SPOP: variants seen among roughly 807,000 people sequenced by gnomAD.
SPOP encodes speckle-type POZ protein.
In SPOP, 11 loss-of-function variants were observed where a neutral mutation model predicts 45.6. The ratio of observed to expected loss-of-function variants is 0.24; its 90% confidence interval spans 0.15 to 0.40. The LOEUF is 0.40. Ranked by LOEUF, SPOP falls within the 10% of genes least tolerant of loss-of-function variation. The pLI is 1.00. For synonymous variants in SPOP, 166 were observed against 166.3 expected, an observed-to-expected ratio of 1.00 and a Z score of 0.01; for missense variants, 152 against 465.6, an observed-to-expected ratio of 0.33 and a Z score of 6.20.
intron 1 of SPOP, among the ~76,000 whole-genome samples, chr17:49,665,897 T>C (rs1183202407): frequency 6.6e-6 from 1 of 151,124 alleles, no homozygotes; most frequent in East Asian, 1.9e-4. Context: ...GGCAGGAGAA[T>C]TGCCTGAACC....
intron 1 of SPOP, among the ~76,000 whole-genome samples, chr17:49,647,266 C>T (rs1446014485): frequency 2.8e-5 from 4 of 141,108 alleles, no homozygotes; most frequent in South Asian, 2.3e-4. Context: ...GCCGAGATCA[C>T]GCCACTGCAC....
At chr17:49,639,988 G>A (rs564113562) in intron 1 of SPOP, among the ~76,000 whole-genome samples, 3 of 152,188 alleles carry the variant, frequency 2.0e-5, no homozygotes, top group South Asian at 2.1e-4. Flanking sequence ...GGTGGCTCAC[G>A]CCTGTAATTC....
intron 8 of SPOP, among the ~76,000 whole-genome samples, chr17:49,603,836 A>G (rs961922941): frequency 6.6e-6 from 1 of 152,236 alleles, no homozygotes; most frequent in African/African-American, 2.4e-5. Context: ...CAACAGCTTT[A>G]TCTTTTAAAA....
intron 1 of SPOP, among the ~76,000 whole-genome samples, chr17:49,628,190 T>G (rs2072376564): frequency 6.6e-6 from 1 of 152,254 alleles, no homozygotes; most frequent in South Asian, 2.1e-4. Context: ...TATTGAGAAA[T>G]TTATTTTCCA....
chr17:49,649,824 A>G (rs1159580231), intron 1 of SPOP, among the ~76,000 whole-genome samples: 2 of 151,986 alleles, frequency 1.3e-5, no homozygotes, highest in Non-Finnish European at 2.9e-5. Flanking sequence ...GAGAGACTCC[A>G]TCTCAAAAAA....
At chr17:49,607,448 A>T in intron 7 of SPOP, 76 bp from the exon 8 acceptor site, 1 of 1,541,052 alleles carries the variant, frequency 6.5e-7, no homozygotes, top group Non-Finnish European at 8.7e-7. Context: ...TCATGATTTT[A>T]AGCTCTAGTG....
intron 8 of SPOP, among the ~76,000 whole-genome samples, chr17:49,606,382 C>T (rs61302861): frequency 0.023 from 3,497 of 151,906 alleles, 137 homozygotes; most frequent in African/African-American, 0.079. Flanking sequence ...CCTTGAACTC[C>T]TGGGCTCAAG....
At chr17:49,669,920 A>G (rs2073116260) in intron 1 of SPOP, among the ~76,000 whole-genome samples, 1 of 150,224 alleles carries the variant, frequency 6.7e-6, no homozygotes, top group East Asian at 2.1e-4. Context: ...GATCACACAT[A>G]CATTTTTCCT....
At chr17:49,652,655 T>C (rs2072857947) in intron 1 of SPOP, among the ~76,000 whole-genome samples, 1 of 152,180 alleles carries the variant, frequency 6.6e-6, no homozygotes, top group African/African-American at 2.4e-5. Flanking sequence ...ACCAAAACTA[T>C]ACCCTGACCC....
intron 2 of SPOP, 177 bp from the exon 3 acceptor site, chr17:49,622,244 G>A (rs1442906977): frequency 5.2e-6 from 4 of 768,378 alleles, no homozygotes; most frequent in Non-Finnish European, 8.8e-6. Flanking sequence ...ATCTCACACT[G>A]ACCAATAGCT....
Position 49,620,328 on chromosome 17 carries a change from C to A in SPOP, c.201-943G>T, listed in dbSNP as rs148341624. Among the ~76,000 whole-genome samples the A allele has an allele frequency of 9.4e-3, 1,432 of 151,820 alleles. 9 individuals carry two copies. The highest frequency in any genetic ancestry group is 0.016 in the Non-Finnish European group (1,060 of 67,922). ...TCCTGTCTCTACTAAAAATACCAGG[C>A]GTGCTAGTGGGCACCTGTAATCCCT... On this transcript the variant is annotated intron_variant, in intron 3 of 9. Transcript: ENST00000504102.
At chr17:49,640,121 C>T (rs557687057) in intron 1 of SPOP, among the ~76,000 whole-genome samples, 248 of 152,022 alleles carry the variant, frequency 1.6e-3, no homozygotes, top group Middle Eastern at 3.4e-3. Context: ...GATGTGGTGG[C>T]GCACACCTGT....
At chr17:49,624,248 C>T (rs935305851) in intron 1 of SPOP, among the ~76,000 whole-genome samples, 2 of 151,604 alleles carry the variant, frequency 1.3e-5, no homozygotes, top group Admixed American at 6.6e-5. Flanking sequence ...TTAATAATAT[C>T]GTATTGTATA....
intron 5 of SPOP, among the ~76,000 whole-genome samples, chr17:49,612,211 G>A (rs1345462641): frequency 2.0e-5 from 3 of 152,122 alleles, no homozygotes; most frequent in Non-Finnish European, 2.9e-5. Flanking sequence ...CCTAAAAGAC[G>A]TTATTTTAGT....
intron 1 of SPOP, among the ~76,000 whole-genome samples, chr17:49,644,682 T>C (rs1041431139): frequency 6.6e-6 from 1 of 152,086 alleles, no homozygotes; most frequent in African/African-American, 2.4e-5. Flanking sequence ...GTACAGATTT[T>C]GGAAAAAAAG....
At position 49,599,063 on chromosome 17, in the gene SPOP, GA is replaced by G. The variant is rs1459980916; in HGVS notation, c.*1314del. 4.8e-6 allele frequency: 1 copy of G among 206,646 alleles called. No homozygotes were observed. The highest frequency in any genetic ancestry group is 2.3e-5 in the African/African-American group (1 of 43,760). The allele number at this position is 206,646 out of a possible 1,614,324, so 12.8% of individuals were successfully genotyped here. A position where few individuals can be genotyped will look rare whatever the true frequency, so the allele number is the denominator to read the frequency against. ...GGGCCTGATCCCTCATCAGGATATG[GA>G]CTGTGAGATACTCAGGGAGGACAAG... On this transcript the variant is annotated 3_prime_UTR_variant, in exon 10 of 10. Transcript: ENST00000504102.
At chr17:49,635,160 T>C (rs1343663544) in intron 1 of SPOP, among the ~76,000 whole-genome samples, 1 of 152,230 alleles carries the variant, frequency 6.6e-6, no homozygotes, top group African/African-American at 2.4e-5. Flanking sequence ...CTTCTAACAT[T>C]ATTAAAAATA....
chr17:49,662,983 A>C (rs1415229714), intron 1 of SPOP, among the ~76,000 whole-genome samples: 1 of 152,220 alleles, frequency 6.6e-6, no homozygotes, highest in Non-Finnish European at 1.5e-5. Context: ...TTTTCATAAC[A>C]ATACCAAGAA....
chr17:49,664,826 T>C (rs1484829374), intron 1 of SPOP, among the ~76,000 whole-genome samples: 1 of 152,202 alleles, frequency 6.6e-6, no homozygotes. Flanking sequence ...AGCAGAACAC[T>C]AGAGTCCATA....
Sources: gnomAD v4.1 joint callset for allele counts (sites outside exome capture counted in the v4.1 genomes callset) on GRCh38, gnomAD v4.1.1 for gene constraint, MANE v1.5 for transcripts, NCBI Gene and HGNC (gene_info 2026-07-23, HGNC 2026-07-21) for gene names.